The following CTNNA2 variants were observed in gnomAD, a reference collection of about 807,000 sequenced individuals.
CTNNA2 encodes the protein catenin alpha-2.
In CTNNA2, 42 loss-of-function variants were observed where a neutral mutation model predicts 101.0. The ratio of observed to expected loss-of-function variants is 0.42; its 90% CI spans 0.32 to 0.54. CTNNA2 has a LOEUF of 0.54. CTNNA2 is among the 20% of genes least tolerant of loss of function. The pLI is 0.14. For missense variants in CTNNA2, 871 were observed against 1,223.1 expected (o/e 0.71, Z 4.29); for synonymous variants, 450 against 456.4 (o/e 0.99, Z 0.18).
chr2:79,710,191 C>T (rs1287097518), intron 2 of CTNNA2, among the ~76,000 whole-genome samples: 1 of 151,872 alleles, frequency 6.6e-6, no homozygotes, highest in African/African-American at 2.4e-5. Flanking sequence ...TACATTTCTT[C>T]TAAACCATTA....
intron 7 of CTNNA2, among the ~76,000 whole-genome samples, chr2:80,340,886 G>T (rs1203346927): frequency 6.6e-6 from 1 of 152,150 alleles, no homozygotes; most frequent in African/African-American, 2.4e-5. Flanking sequence ...CTGACCGACT[G>T]TCTATAAATT....
chr2:79,385,191 A>AG (rs1469829518), intron 4 of CTNNA2, among the ~76,000 whole-genome samples: 2 of 152,184 alleles, frequency 1.3e-5, no homozygotes, highest in East Asian at 3.9e-4. Flanking sequence ...TTGGGTCTTG[A>AG]GGGATTGTTC....
At chr2:79,968,102 G>T (rs1690207053) in intron 7 of CTNNA2, among the ~76,000 whole-genome samples, 1 of 152,026 alleles carries the variant, frequency 6.6e-6, no homozygotes, top group African/African-American at 2.4e-5. Flanking sequence ...TGGAGTGATG[G>T]CAATGTTTTC....
At chr2:79,320,284 T>TA (rs1553398197) in intron 3 of CTNNA2, among the ~76,000 whole-genome samples, 3 of 146,120 alleles carry the variant, frequency 2.1e-5, no homozygotes, top group African/African-American at 7.7e-5. Context: ...TTTTTTTTTT[T>TA]ACCAAGATCT....
At chr2:80,573,045 T>C (rs1163225646) in intron 12 of CTNNA2, 1 of 152,170 alleles carries the variant, frequency 6.6e-6, no homozygotes, top group Admixed American at 6.5e-5. Context: ...AAAATGGATA[T>C]TAAAGTATCC....
rs1365003655 is a variant in CTNNA2, at chr2:79,391,004, G to C, written c.-135+16991G>C. On this transcript the variant is annotated intron_variant, in intron 4 of 21. Transcript: ENST00000466387. ...GTGACTAAAAAGGTAGAAAAAAAGA[G>C]AGGAAAGTAGAAAAGCAAAGTCAAG... 2.0e-5 allele frequency among the ~76,000 whole-genome samples: 3 copies of C among 152,286 alleles called. No homozygotes were observed. The East Asian group carries it at 5.8e-4, about 29-fold the overall frequency.
chr2:80,079,182 G>C (rs528245417), intron 7 of CTNNA2, among the ~76,000 whole-genome samples: 243 of 152,238 alleles, frequency 1.6e-3, no homozygotes, highest in African/African-American at 5.7e-3. Flanking sequence ...TTGTTCTCCT[G>C]TGCAAAGGAC....
chr2:79,826,006 G>C (rs543680728), intron 3 of CTNNA2, among the ~76,000 whole-genome samples: 1 of 152,060 alleles, frequency 6.6e-6, no homozygotes, highest in African/African-American at 2.4e-5. Flanking sequence ...TTTTTGCATT[G>C]TTTTGTTTGG....
chr2:79,639,004 T>C (rs1680268031), intron 1 of CTNNA2, among the ~76,000 whole-genome samples: 1 of 152,214 alleles, frequency 6.6e-6, no homozygotes, highest in Non-Finnish European at 1.5e-5. Flanking sequence ...ATTCAAAAGA[T>C]CATTGATTAT....
chr2:79,256,925 ATAT>A (rs1674853768), intron 2 of CTNNA2, among the ~76,000 whole-genome samples: 1 of 152,168 alleles, frequency 6.6e-6, no homozygotes, highest in Admixed American at 6.5e-5. Context: ...AGTTGATATG[ATAT>A]TATTTTATTT....
At chr2:79,368,599 T>A (rs1677801719) in intron 3 of CTNNA2, among the ~76,000 whole-genome samples, 1 of 152,208 alleles carries the variant, frequency 6.6e-6, no homozygotes. Flanking sequence ...ATGGGCTCTC[T>A]GAACCTGGAA....
chr2:80,361,105 A>C (rs531653652), intron 7 of CTNNA2, among the ~76,000 whole-genome samples: 1 of 152,184 alleles, frequency 6.6e-6, no homozygotes, highest in Middle Eastern at 3.4e-3. Context: ...TCTCCCATTA[A>C]GAGCTGTGTA....
At chr2:80,134,652 G>A (rs1226500115) in intron 7 of CTNNA2, among the ~76,000 whole-genome samples, 3 of 152,122 alleles carry the variant, frequency 2.0e-5, no homozygotes, top group Admixed American at 2.0e-4. Context: ...TGTCTCTTCA[G>A]CATCTCACTC....
intron 3 of CTNNA2, among the ~76,000 whole-genome samples, chr2:79,342,528 G>A (rs1012016785): frequency 1.3e-5 from 2 of 152,104 alleles, no homozygotes; most frequent in Non-Finnish European, 2.9e-5. Context: ...TTTGAAAGAA[G>A]ACATAAAATG....
intron 1 of CTNNA2, among the ~76,000 whole-genome samples, chr2:79,526,982 C>G (rs778665492): frequency 6.6e-6 from 1 of 151,826 alleles, no homozygotes; most frequent in Non-Finnish European, 1.5e-5. Context: ...AAAGCTCAAG[C>G]AATAGAAGAA....
chr2:79,909,883 A>G, intron 7 of CTNNA2, 86 bp downstream of exon 7: 6 of 1,332,148 alleles, frequency 4.5e-6, no homozygotes, highest in Non-Finnish European at 6.1e-6. Context: ...ATAGCAGGAA[A>G]AGAGAACAGA....
At chr2:79,574,075 A>C (rs1468190845) in intron 1 of CTNNA2, 1 of 153,690 alleles carries the variant, frequency 6.5e-6, no homozygotes, top group African/African-American at 2.4e-5. Context: ...TTCTGTAAGC[A>C]TCTGGTCACA....
At chr2:79,819,312 C>T (rs1335199775) in intron 3 of CTNNA2, among the ~76,000 whole-genome samples, 2 of 152,144 alleles carry the variant, frequency 1.3e-5, no homozygotes, top group Non-Finnish European at 2.9e-5. Flanking sequence ...GAACTCCTTC[C>T]TCTGTGCGCC....
chr2:79,452,994 T>C (rs935827613), intron 4 of CTNNA2, among the ~76,000 whole-genome samples: 4 of 152,070 alleles, frequency 2.6e-5, no homozygotes, highest in African/African-American at 4.8e-5. Flanking sequence ...TAATTTGTAA[T>C]AATTAAAAAG....
Sources: gnomAD v4.1 joint callset for allele counts (sites outside exome capture counted in the v4.1 genomes callset) on GRCh38, gnomAD v4.1.1 for gene constraint, MANE v1.5 for transcripts, NCBI Gene and HGNC (gene_info 2026-07-23, HGNC 2026-07-21) for gene names.